The following OLA1 variants were observed in gnomAD, a reference collection of about 807,000 sequenced individuals.
OLA1 encodes the protein obg-like ATPase 1.
A neutral mutation model predicts 48.4 loss-of-function variants in OLA1; 14 were observed. The ratio of observed to expected loss-of-function variants is 0.29; its 90% CI spans 0.19 to 0.45. The LOEUF (loss-of-function observed/expected upper bound fraction) is 0.45. OLA1 is among the 20% of genes least tolerant of loss of function. The pLI, the probability that OLA1 is intolerant of heterozygous loss-of-function variation, is 1.00. For missense variants in OLA1, 325 were observed against 467.1 expected, an observed-to-expected ratio of 0.70 and a Z score of 2.80; for synonymous variants, 127 against 150.4, an observed-to-expected ratio of 0.84 and a Z score of 1.14.
chr2:174,112,635 G>A (rs1685679709), intron 7 of OLA1, among the ~76,000 whole-genome samples: 1 of 152,132 alleles, frequency 6.6e-6, no homozygotes, highest in African/African-American at 2.4e-5. Context: ...TGTAATCATG[G>A]GAGTAGGTTA....
At chr2:174,194,025 A>G (rs189226593) in intron 4 of OLA1, among the ~76,000 whole-genome samples, 8 of 152,124 alleles carry the variant, frequency 5.3e-5, no homozygotes, top group African/African-American at 9.6e-5. Context: ...CCTCTCCCCA[A>G]CTGCAATGAA....
At chr2:174,096,458 T>C (rs1329661892) in intron 7 of OLA1, among the ~76,000 whole-genome samples, 1 of 152,168 alleles carries the variant, frequency 6.6e-6, no homozygotes, top group Non-Finnish European at 1.5e-5. Context: ...AAAAGTAAAC[T>C]GAGAGCTAAT....
At chr2:174,193,984 C>G (rs1687830481) in intron 4 of OLA1, among the ~76,000 whole-genome samples, 1 of 152,158 alleles carries the variant, frequency 6.6e-6, no homozygotes, top group African/African-American at 2.4e-5. Context: ...ATATTCCTGA[C>G]AAAGTAGACA....
At chr2:174,126,665 T>C (rs1456364053) in intron 5 of OLA1, among the ~76,000 whole-genome samples, 1 of 152,040 alleles carries the variant, frequency 6.6e-6, no homozygotes, top group Non-Finnish European at 1.5e-5. Flanking sequence ...ATCTACCTCC[T>C]AGGGAGTGTT....
At chr2:174,212,178 A>C (rs1688260180) in intron 4 of OLA1, among the ~76,000 whole-genome samples, 1 of 152,198 alleles carries the variant, frequency 6.6e-6, no homozygotes, top group Non-Finnish European at 1.5e-5. Flanking sequence ...CCTACTACAC[A>C]CCTAGGCTAA....
chr2:174,189,325 A>G (rs1191207480), intron 4 of OLA1, among the ~76,000 whole-genome samples: 2 of 152,204 alleles, frequency 1.3e-5, no homozygotes, highest in African/African-American at 4.8e-5. Context: ...AAAAACTTTG[A>G]ATAGCACAAG....
Position 174,075,520 on chromosome 2 carries a change from C to G in OLA1, c.1097G>C (p.Gly366Ala). ...ATTTCTGCCTTGTTGTCTGTACTTT[C>G]CAGCAGCCTGCAAACAGAAAATATA... ...EGSENAVKAA[G>A]KYRQQGRNYI... Residue 366 changes from glycine to alanine, a missense_variant, in exon 11 of 11, where the codon GGA becomes GCA. Transcript: ENST00000284719. 6.2e-7 allele frequency: 1 copy of G among 1,603,530 alleles called. No individual in the cohort carries two copies. The highest frequency in any genetic ancestry group is 8.5e-7 in the Non-Finnish European group (1 of 1,171,510).
intron 5 of OLA1, among the ~76,000 whole-genome samples, chr2:174,138,265 C>T (rs1468364110): frequency 6.6e-6 from 1 of 152,096 alleles, no homozygotes; most frequent in African/African-American, 2.4e-5. Context: ...ACTTAGAAGC[C>T]ATCGTAGGGG....
chr2:174,174,728 A>G (rs546021386), intron 4 of OLA1, among the ~76,000 whole-genome samples: 146 of 152,166 alleles, frequency 9.6e-4, no homozygotes, highest in African/African-American at 3.2e-3. Context: ...TTTCAATACA[A>G]AGTCAAAAAT....
At chr2:174,234,573 C>T (rs1261918334) in intron 2 of OLA1, among the ~76,000 whole-genome samples, 1 of 152,128 alleles carries the variant, frequency 6.6e-6, no homozygotes, top group Non-Finnish European at 1.5e-5. Flanking sequence ...AAGAGATCCT[C>T]CCGCTTCAGC....
chr2:174,108,799 C>G (rs1685573936), intron 7 of OLA1, among the ~76,000 whole-genome samples: 1 of 152,168 alleles, frequency 6.6e-6, no homozygotes, highest in Non-Finnish European at 1.5e-5. Flanking sequence ...GGAAGGTAAT[C>G]AAGGACATAT....
rs543824222 is a variant in OLA1 at position 174,247,898 on chromosome 2, A to C, written c.-1+554T>G. ...TCCCACCCTTGGACTGCAAAGTGAA[A>C]TCACAAAGACCGCTAAGCTCACGTC... On this transcript the variant is annotated intron_variant, in intron 1 of 10. Transcript: ENST00000284719. 1,592 of 1,158,164 alleles carry C rather than the reference A, an allele frequency of 1.4e-3. 24 individuals are homozygous for C. In the South Asian group the frequency reaches 0.016, roughly 12 times the overall value. 71.7% of individuals were successfully genotyped at this position (1,158,164 alleles called of 1,614,324 possible). A position where few individuals can be genotyped will look rare whatever the true frequency, so the allele number is the denominator to read the frequency against.
At chr2:174,148,319 G>A (rs1686661172) in intron 4 of OLA1, among the ~76,000 whole-genome samples, 1 of 152,172 alleles carries the variant, frequency 6.6e-6, no homozygotes, top group South Asian at 2.1e-4. Context: ...AACCTGGGAG[G>A]TGGAGGTTGC....
chr2:174,186,148 G>A (rs1288911124), intron 4 of OLA1, among the ~76,000 whole-genome samples: 1 of 152,042 alleles, frequency 6.6e-6, no homozygotes, highest in East Asian at 1.9e-4. Context: ...TTTTTGAATG[G>A]GAAGATTCAA....
intron 5 of OLA1, among the ~76,000 whole-genome samples, chr2:174,141,588 A>C (rs1284083097): frequency 2.0e-5 from 3 of 152,192 alleles, no homozygotes; most frequent in Non-Finnish European, 4.4e-5. Context: ...CATAGTAATC[A>C]TGTAAACACT....
intron 4 of OLA1, among the ~76,000 whole-genome samples, chr2:174,158,086 C>T (rs1190631869): frequency 6.6e-6 from 1 of 152,190 alleles, no homozygotes; most frequent in Non-Finnish European, 1.5e-5. Flanking sequence ...TGGGTATGAT[C>T]TCCCTGAGAT....
rs1283515074 is a variant in OLA1 at position 174,075,405 on chromosome 2, T to G, written c.*21A>C. ...AGATGCCTTTTGGAAGTTGTATGTT[T>G]ATCTGAGCAATAACTAAATTTTATT... On this transcript the variant is annotated 3_prime_UTR_variant, in exon 11 of 11. Coordinates refer to ENST00000284719, the MANE Select transcript of OLA1 (RefSeq NM_013341.5). 7.0e-7 allele frequency: 1 copy of G among 1,430,492 alleles called. No homozygotes were observed. The highest frequency in any genetic ancestry group is 9.8e-7 in the Non-Finnish European group (1 of 1,018,202). 88.6% of individuals were successfully genotyped at this position (1,430,492 alleles called of 1,614,324 possible). A position where few individuals can be genotyped will look rare whatever the true frequency, so the allele number is the denominator to read the frequency against.
chr2:174,214,088 T>C (rs1362678553), intron 4 of OLA1, among the ~76,000 whole-genome samples: 1 of 151,354 alleles, frequency 6.6e-6, no homozygotes, highest in Non-Finnish European at 1.5e-5. Context: ...ATCCCAGCAC[T>C]TTGGGAGGCC....
intron 4 of OLA1, among the ~76,000 whole-genome samples, chr2:174,153,770 T>A (rs190780530): frequency 3.9e-5 from 6 of 152,372 alleles, no homozygotes; most frequent in Non-Finnish European, 7.3e-5. Context: ...AGTATCTTAA[T>A]GAGAACTAGC....
Sources: allele counts gnomAD v4.1 joint callset (sites outside exome capture counted in the v4.1 genomes callset), GRCh38; gene constraint gnomAD v4.1.1; transcripts MANE v1.5; gene names NCBI Gene and HGNC (gene_info 2026-07-23, HGNC 2026-07-21).